ATP13A4: variants seen among roughly 807,000 people sequenced by gnomAD.
The protein encoded by ATP13A4 is probable cation-transporting ATPase 13A4.
In ATP13A4, 114 loss-of-function variants were observed where a neutral mutation model predicts 142.5. The ratio of observed to expected loss-of-function variants is 0.80; its 90% CI spans 0.69 to 0.93. The LOEUF is 0.93. Among genes scored for constraint, ATP13A4 ranks in the 40% least tolerant of loss-of-function variants. ATP13A4 has a pLI of 0.00. For missense variants in ATP13A4, 1,392 were observed against 1,454.0 expected (o/e 0.96, Z 0.69); for synonymous variants, 488 against 514.8 (o/e 0.95, Z 0.70).
At chr3:193,477,377 CT>C (rs1333247230) in intron 8 of ATP13A4, among the ~76,000 whole-genome samples, 1 of 152,004 alleles carries the variant, frequency 6.6e-6, no homozygotes. Context: ...ATTATTTAAT[CT>C]GTGTGATAGG....
chr3:193,572,964 CA>C (rs111244759), intron 2 of ATP13A4, among the ~76,000 whole-genome samples: 10,688 of 86,876 alleles, frequency 0.12, 870 homozygotes, highest in African/African-American at 0.28. Flanking sequence ...ACCTTCTTTA[CA>C]AAAAAAAAAA....
At chr3:193,557,546 T>C (rs141425942), upstream of ATP13A4, among the ~76,000 whole-genome samples, 17 of 152,390 alleles carry the variant, frequency 1.1e-4, no homozygotes, top group African/African-American at 3.6e-4. Flanking sequence ...TGGTTGATAC[T>C]ATTCTGGTCA....
chr3:193,404,010 CTGTGATA>C, intron 29 of ATP13A4: 9 of 985,384 alleles, frequency 9.1e-6, no homozygotes, highest in Non-Finnish European at 1.1e-5. Flanking sequence ...TGCATTATTC[CTGTGATA>C]ACTGACCATC....
chr3:193,521,675 G>A (rs1721723564), intron 1 of ATP13A4, among the ~76,000 whole-genome samples: 1 of 152,218 alleles, frequency 6.6e-6, no homozygotes, highest in Non-Finnish European at 1.5e-5. Flanking sequence ...GCTCATGCCT[G>A]TAATCCCAGC....
intron 25 of ATP13A4, among the ~76,000 whole-genome samples, chr3:193,430,707 GT>G (rs1715923044): frequency 6.6e-6 from 1 of 152,118 alleles, no homozygotes; most frequent in Admixed American, 6.6e-5. Context: ...ACTAGAGACA[GT>G]AAGACCAGTA....
At position 193,439,031 on chromosome 3, in the gene ATP13A4, C is replaced by T; in HGVS notation, c.2554G>A (p.Asp852Asn). 1 of 1,610,202 alleles carries T rather than the reference C, an allele frequency of 6.2e-7. No individual in the cohort carries two copies. Among genetic ancestry groups the T allele is most frequent in the Non-Finnish European group, 8.5e-7 (1 of 1,176,444 alleles). Residue 852 changes from aspartate to asparagine, a missense_variant, in exon 22 of 30, where the codon GAC becomes AAC. By Grantham distance (23) the Asp-to-Asn change is conservative. Coordinates refer to ENST00000342695, the MANE Select transcript of ATP13A4 (RefSeq NM_032279.4). ...AACTGGTAGCTACTTACCCCACAGTCATTGGCTCCATCACCACACATACCT... is the reference window on the plus strand; with the variant it reads ...AACTGGTAGCTACTTACCCCACAGTTATTGGCTCCATCACCACACATACCT... ...FVGMCGDGANDCGALKMAHVG... is the reference protein window; with the variant it reads ...FVGMCGDGANNCGALKMAHVG...
chr3:193,554,716 A>G, intron 1 of ATP13A4, 24 bp downstream of exon 1: 1 of 1,612,322 alleles, frequency 6.2e-7, no homozygotes, highest in South Asian at 1.1e-5. Context: ...GGATGGGAAG[A>G]AGGGAATGTG....
chr3:193,423,459 A>C (rs1161958585), intron 25 of ATP13A4, among the ~76,000 whole-genome samples: 1 of 149,884 alleles, frequency 6.7e-6, no homozygotes, highest in Non-Finnish European at 1.5e-5. Context: ...AGCAAACTGA[A>C]TTTAACAACA....
upstream of ATP13A4, among the ~76,000 whole-genome samples, chr3:193,555,964 T>C (rs1243325738): frequency 6.6e-6 from 1 of 152,210 alleles, no homozygotes; most frequent in Non-Finnish European, 1.5e-5. Context: ...GAAAGTACAT[T>C]GTACAGCACT....
At chr3:193,590,429 C>T (rs948239305) in intron 1 of ATP13A4, among the ~76,000 whole-genome samples, 1 of 152,012 alleles carries the variant, frequency 6.6e-6, no homozygotes, top group Non-Finnish European at 1.5e-5. Context: ...TCTATAGGAG[C>T]AATTGGGGAA....
intron 2 of ATP13A4, chr3:193,581,618 C>T (rs1724547845): frequency 6.6e-6 from 1 of 152,130 alleles, no homozygotes; most frequent in African/African-American, 2.4e-5. Context: ...TCTGATGAAT[C>T]TGATTCTGTT....
At chr3:193,451,062 C>T (rs2108630988) in intron 17 of ATP13A4, among the ~76,000 whole-genome samples, 1 of 152,312 alleles carries the variant, frequency 6.6e-6, no homozygotes, top group South Asian at 2.1e-4. Flanking sequence ...TTACGGGACT[C>T]TCTCCCCTGT....
chr3:193,524,516 A>G (rs1577050203), intron 1 of ATP13A4, among the ~76,000 whole-genome samples: 1 of 152,346 alleles, frequency 6.6e-6, no homozygotes, highest in African/African-American at 2.4e-5. Context: ...GTGTAAGACA[A>G]TAAGAGCATA....
At chr3:193,491,518 C>A in intron 5 of ATP13A4, 120 bp from the exon 6 acceptor site, 1 of 785,588 alleles carries the variant, frequency 1.3e-6, no homozygotes, top group South Asian at 1.4e-5. Context: ...CAACATAAGT[C>A]TCCCTTGTTA....
intron 3 of ATP13A4, among the ~76,000 whole-genome samples, chr3:193,497,324 A>G (rs1397806644): frequency 6.6e-6 from 1 of 152,348 alleles, no homozygotes; most frequent in Non-Finnish European, 1.5e-5. Context: ...AACATGCTCA[A>G]CATCACTAAT....
intron 1 of ATP13A4, among the ~76,000 whole-genome samples, chr3:193,585,728 AT>A (rs1331962659): frequency 6.6e-6 from 1 of 151,778 alleles, no homozygotes; most frequent in Non-Finnish European, 1.5e-5. Context: ...ATTTCCTTTC[AT>A]TTTCTCACTG....
chr3:193,441,001 A>ATCTC (rs111272453), intron 20 of ATP13A4, among the ~76,000 whole-genome samples: 1 of 149,752 alleles, frequency 6.7e-6, no homozygotes, highest in Non-Finnish European at 1.5e-5. Flanking sequence ...CTATCGATCT[A>ATCTC]TCTCTCTCTC....
At chr3:193,419,197 T>C (rs1715280333) in intron 25 of ATP13A4, among the ~76,000 whole-genome samples, 1 of 149,812 alleles carries the variant, frequency 6.7e-6, no homozygotes, top group African/African-American at 2.5e-5. Context: ...ACCCTGCCCC[T>C]AGGGACCTGA....
chr3:193,527,324 C>T (rs1236523907), intron 1 of ATP13A4, among the ~76,000 whole-genome samples: 1 of 152,090 alleles, frequency 6.6e-6, no homozygotes, highest in Non-Finnish European at 1.5e-5. Context: ...AAAAGTGTGG[C>T]ACTTCCTGAC....
Sources: allele counts gnomAD v4.1 joint callset (sites outside exome capture counted in the v4.1 genomes callset), GRCh38; gene constraint gnomAD v4.1.1; transcripts MANE v1.5; gene names NCBI Gene and HGNC (gene_info 2026-07-23, HGNC 2026-07-21).